The following PREP variants were observed in gnomAD, a reference collection of about 807,000 sequenced individuals.
PREP encodes the protein dJ355L5.1 (prolyl endopeptidase).
A neutral mutation model predicts 87.6 loss-of-function variants in PREP; 29 were observed. That is an observed-to-expected ratio of 0.33 (90% CI 0.25 to 0.45). PREP has a LOEUF of 0.45. Ranked by LOEUF, PREP falls within the 20% of genes least tolerant of loss-of-function variation. PREP has a pLI of 1.00. For missense variants in PREP, 695 were observed against 886.5 expected (o/e 0.78, Z 2.74); for synonymous variants, 337 against 328.6 (o/e 1.03, Z -0.28).
chr6:105,315,633 T>C (rs1770848642), intron 10 of PREP, among the ~76,000 whole-genome samples: 1 of 152,234 alleles, frequency 6.6e-6, no homozygotes, highest in South Asian at 2.1e-4. Context: ...CAGACTTCTC[T>C]TTAGCTATGA....
intron 10 of PREP, among the ~76,000 whole-genome samples, chr6:105,293,413 C>T (rs957886895): frequency 6.6e-6 from 1 of 152,030 alleles, no homozygotes; most frequent in Non-Finnish European, 1.5e-5. Context: ...TACCACAAAA[C>T]AATTACAATA....
intron 5 of PREP, among the ~76,000 whole-genome samples, chr6:105,369,770 C>G (rs1269243176): frequency 6.6e-6 from 1 of 152,028 alleles, no homozygotes; most frequent in Non-Finnish European, 1.5e-5. Flanking sequence ...AAACATAAAA[C>G]TATAAAATTC....
At chr6:105,402,418 T>TCACACACACA (rs36086068) in intron 1 of PREP, among the ~76,000 whole-genome samples, 2,395 of 147,196 alleles carry the variant, frequency 0.016, 54 homozygotes, top group African/African-American at 0.055. Flanking sequence ...AAATGTGACA[T>TCACACACACA]CACACACACA....
intron 7 of PREP, among the ~76,000 whole-genome samples, chr6:105,343,764 G>A (rs1426901616): frequency 2.0e-5 from 3 of 152,172 alleles, no homozygotes. Context: ...AAAGACGCAT[G>A]AAAAAATGCT....
chr6:105,354,737 G>A (rs1772046828), intron 6 of PREP, among the ~76,000 whole-genome samples: 1 of 151,958 alleles, frequency 6.6e-6, no homozygotes, highest in Non-Finnish European at 1.5e-5. Flanking sequence ...ACCCTGCAGG[G>A]TTAGGACTTG....
At position 105,360,684 on chromosome 6, in the gene PREP, C is replaced by T. The variant is rs115033505; in HGVS notation, c.718-7607G>A. On this transcript the variant is annotated intron_variant, in intron 6 of 14. Transcript: ENST00000652536. ...GGTTCACATGTACTTGTCTGATAAA[C>T]GTGTAATTCGGACAACTTAGCATAT... Among the ~76,000 whole-genome samples the T allele has an allele frequency of 4.8e-3, 730 of 152,224 alleles. 2 individuals carry two copies. Among genetic ancestry groups the T allele is most frequent in the African/African-American group, 0.016 (673 of 41,538 alleles).
intron 10 of PREP, among the ~76,000 whole-genome samples, chr6:105,314,206 T>C (rs1292664556): frequency 2.0e-5 from 3 of 152,234 alleles, no homozygotes. Flanking sequence ...TTGTAATCTT[T>C]TTTCTGGTGG....
intron 2 of PREP, among the ~76,000 whole-genome samples, chr6:105,394,036 T>C (rs1360171637): frequency 6.6e-6 from 1 of 152,156 alleles, no homozygotes; most frequent in Non-Finnish European, 1.5e-5. Flanking sequence ...AAGTGGCTAG[T>C]GGTTATTATA....
At chr6:105,317,355 TG>T (rs760421724) in intron 10 of PREP, among the ~76,000 whole-genome samples, 7 of 152,184 alleles carry the variant, frequency 4.6e-5, no homozygotes, top group Non-Finnish European at 1.0e-4. Context: ...GATCTGGAGT[TG>T]TAAGTTCTAG....
rs771792886 is a variant in PREP at position 105,333,474 on chromosome 6, G to A, written c.855C>T (p.Asn285=). 11 of 1,614,162 alleles carry A rather than the reference G, an allele frequency of 6.8e-6. No homozygotes were observed. Among genetic ancestry groups the A allele is most frequent in the Non-Finnish European group, 9.3e-6 (11 of 1,180,018 alleles). ...TCACGTAGTCATATTCCCCTTCAAA[G>A]TTGTCAATCAGTTTTACCCACTTCA... ...GILKWVKLID[N]FEGEYDYVTN... is the part of the protein sequence containing the mutation. Residue 285 remains asparagine (N), a synonymous_variant, in exon 8 of 15, where the codon AAC becomes AAT. Coordinates refer to ENST00000652536, the MANE Select transcript of PREP (RefSeq NM_002726.5).
At chr6:105,288,053 G>A (rs1039951102) in intron 11 of PREP, among the ~76,000 whole-genome samples, 31 of 152,264 alleles carry the variant, frequency 2.0e-4, no homozygotes, top group African/African-American at 7.0e-4. Flanking sequence ...AGACTCTGCT[G>A]GTGAAAAATA....
rs1424796524 is a variant in PREP, at chr6:105,282,490, G to C, written c.1642C>G (p.Leu548Val). The C allele has an allele frequency of 2.5e-6, 4 of 1,614,030 alleles. No homozygotes were observed. In the Admixed American group the frequency reaches 5.0e-5, roughly 20 times the overall value. The change falls in exon 13 of 15, where the codon CTG (leucine) becomes GTG (valine). Residue 548 changes from leucine to valine, a missense_variant. Coordinates refer to ENST00000652536, the MANE Select transcript of PREP (RefSeq NM_002726.5). ...CCATTTGAACCTCCATTAATAGTCA[G>C]CCTCTTGGGAGATGTGTAACCTTCC... ...IKEGYTSPKRLTINGGSNGGL... is the reference protein window; with the variant it reads ...IKEGYTSPKRVTINGGSNGGL...
chr6:105,285,299 A>T (rs559706127), intron 12 of PREP, among the ~76,000 whole-genome samples, 187 bp downstream of exon 12: 1 of 152,328 alleles, frequency 6.6e-6, no homozygotes, highest in African/African-American at 2.4e-5. Context: ...AGGAAAATAA[A>T]ATGTGAAAAG....
intron 13 of PREP, 118 bp downstream of exon 13, chr6:105,282,333 C>T (rs925943904): frequency 7.8e-7 from 1 of 1,288,972 alleles, no homozygotes. Context: ...TTTTGCTCTC[C>T]TTATACCACT....
chr6:105,305,895 C>T (rs1186795887), intron 10 of PREP, among the ~76,000 whole-genome samples: 2 of 151,516 alleles, frequency 1.3e-5, no homozygotes, highest in Non-Finnish European at 1.5e-5. Context: ...GGCTGGAGTA[C>T]AGTGGTACAA....
rs143639183 is a variant in PREP, at chr6:105,274,862, G to A, written c.*3282C>T. Among the ~76,000 whole-genome samples, 6 of 152,264 alleles carry A rather than the reference G, an allele frequency of 3.9e-5. No individual in the cohort carries two copies. The highest frequency in any genetic ancestry group is 1.4e-4 in the African/African-American group (6 of 41,552). On this transcript the variant is annotated 3_prime_UTR_variant, in exon 15 of 15. Transcript: ENST00000652536. The stretch of plus-strand genomic sequence containing the variant: ...GGGAACTTGGACCTTTGCCAAATGG[G>A]GAAAAGGTATTATGTGCTTCCTAAG...
At position 105,286,615 on chromosome 6, in the gene PREP, C is replaced by A. The variant is rs115274336; in HGVS notation, c.1455-1035G>T. 4.0e-3 allele frequency among the ~76,000 whole-genome samples: 614 copies of A among 152,170 alleles called. 5 individuals carry two copies. The highest frequency in any genetic ancestry group is 0.014 in the African/African-American group (568 of 41,522). On this transcript the variant is annotated intron_variant, in intron 11 of 14. Coordinates refer to ENST00000652536, the MANE Select transcript of PREP (RefSeq NM_002726.5). ...GAGAACTGTGTCACTCTTTTAGCAACTGGGGAAACCATGGGCTTCTATAAA... is the reference window on the plus strand; with the variant it reads ...GAGAACTGTGTCACTCTTTTAGCAAATGGGGAAACCATGGGCTTCTATAAA...
chr6:105,357,111 C>T (rs950055597), intron 6 of PREP, among the ~76,000 whole-genome samples: 8 of 151,970 alleles, frequency 5.3e-5, no homozygotes, highest in South Asian at 2.1e-4. Context: ...ATTTTGGTTC[C>T]ATCTTATTTT....
rs1378223224 is a variant in PREP at position 105,276,878 on chromosome 6, G to GACTT, written c.*1262_*1265dup. 3.3e-5 allele frequency among the ~76,000 whole-genome samples: 5 copies of GACTT among 152,096 alleles called. No homozygotes were observed. Among genetic ancestry groups the GACTT allele is most frequent in the East Asian group, 1.9e-4 (1 of 5,202 alleles). ...CATACATATACAACTTGGAAGATGGGACTTACTTGGAAAAGTACAAATTAT... is the reference window on the plus strand; with the variant it reads ...CATACATATACAACTTGGAAGATGGGACTTACTTACTTGGAAAAGTACAAATTAT... On this transcript the variant is annotated 3_prime_UTR_variant, in exon 15 of 15. Transcript: ENST00000652536.
Sources: allele counts gnomAD v4.1 joint callset (sites outside exome capture counted in the v4.1 genomes callset), GRCh38; gene constraint gnomAD v4.1.1; transcripts MANE v1.5; gene names NCBI Gene and HGNC (gene_info 2026-07-23, HGNC 2026-07-21).